KAT14: variants seen among roughly 807,000 people sequenced by gnomAD.
The protein encoded by KAT14 is cysteine-rich protein 2-binding protein.
Under a neutral mutation model 78.4 loss-of-function variants are expected in KAT14, and 66 were observed. That is an observed-to-expected ratio of 0.84 (90% CI 0.69 to 1.03). KAT14 has a LOEUF of 1.03. Among genes scored for constraint, KAT14 ranks in the 50% least tolerant of loss-of-function variants. KAT14 has a pLI of 0.00. For synonymous variants in KAT14, 344 were observed against 359.4 expected, an observed-to-expected ratio of 0.96 and a Z score of 0.48; for missense variants, 870 against 972.5, an observed-to-expected ratio of 0.89 and a Z score of 1.40.
chr20:18,187,280 T>C lies in KAT14; in HGVS notation c.2173-6T>C, dbSNP rs1235660275. On this transcript the variant is annotated splice_region_variant and splice_polypyrimidine_tract_variant and intron_variant, in intron 10 of 10. Coordinates refer to ENST00000688188, the MANE Select transcript of KAT14 (RefSeq NM_001392073.1). ...TTTATCTTGTATTTTTCCACTCTTT[T>C]GGCAGACCTGCATGGGCAAGGACGT... 6.3e-7 allele frequency: 1 copy of C among 1,593,828 alleles called. No homozygotes were observed. Among genetic ancestry groups the C allele is most frequent in the South Asian group, 1.2e-5 (1 of 86,804 alleles).
rs780601153 is a variant in KAT14, at chr20:18,142,635, A to G, written c.-26A>G. 1.9e-6 allele frequency: 3 copies of G among 1,613,176 alleles called. No individual in the cohort carries two copies. Among genetic ancestry groups the G allele is most frequent in the African/African-American group, 1.3e-5 (1 of 74,926 alleles). ...GTGCTTAGGGTTGTTACTGAGAAGC[A>G]CTGCCGAGCTTGTGAGAAGGAAGGG... On this transcript the variant is annotated 5_prime_UTR_variant, in exon 2 of 11. Coordinates refer to ENST00000688188, the MANE Select transcript of KAT14 (RefSeq NM_001392073.1).
chr20:18,162,709 C>T lies in KAT14; in HGVS notation c.1432C>T (p.Pro478Ser). 6.2e-7 allele frequency: 1 copy of T among 1,614,228 alleles called. No homozygotes were observed. Among genetic ancestry groups the T allele is most frequent in the Non-Finnish European group, 8.5e-7 (1 of 1,180,040 alleles). Residue 478 changes from proline (P) to serine (S), a missense_variant, in exon 7 of 11, where the codon CCC (proline) becomes TCC (serine). Pro to Ser is a moderately conservative substitution (Grantham distance 74). Coordinates refer to ENST00000688188, the MANE Select transcript of KAT14 (RefSeq NM_001392073.1). Reference protein sequence around the residue: ...KLLLKRLEACPGAVAMTPEAR... With the variant: ...KLLLKRLEACSGAVAMTPEAR... ...GCTGCTCAAGAGGCTGGAAGCTTGT[C>T]CCGGTGCTGTTGCCATGACTCCGGA...
chr20:18,141,777 G>A (rs1033862148), intron 1 of KAT14, among the ~76,000 whole-genome samples: 1 of 152,112 alleles, frequency 6.6e-6, no homozygotes. Context: ...TCAGCTACTC[G>A]GGAGGCTGAG....
In KAT14 at chr20:18,184,732, C is replaced by T. The variant is rs376582682; in HGVS notation, c.2112C>T (p.Phe704=). Residue 704 remains phenylalanine, a synonymous_variant, in exon 10 of 11, where the codon TTC becomes TTT. Coordinates refer to ENST00000688188, the MANE Select transcript of KAT14 (RefSeq NM_001392073.1). ...ATGAAGCTTACATTTCATTTCTGTT[C>T]GTCCACCCTGAATGGAGAAGAGCAG... is the stretch of plus-strand genomic sequence containing the variant. ...KYNEAYISFL[F]VHPEWRRAGI... The T allele has an allele frequency of 1.3e-4, 210 of 1,613,534 alleles. 1 individual carries two copies. Among genetic ancestry groups the T allele is most frequent in the South Asian group, 3.6e-4 (33 of 90,962 alleles).
Position 18,138,016 on chromosome 20 carries a change from G to A in KAT14, c.-489G>A, listed in dbSNP as rs577099221. ...GGTGCTGCTGACGGCGGCCACAGTG[G>A]CCGGCGTACATGTGAAGCAGCAGTG... On this transcript the variant is annotated 5_prime_UTR_variant, in exon 1 of 11. Transcript: ENST00000688188. 24 of 1,499,866 alleles carry A rather than the reference G, an allele frequency of 1.6e-5. No individual in the cohort carries two copies. The highest frequency in any genetic ancestry group is 2.0e-5 in the Non-Finnish European group (23 of 1,131,118). The allele number at this position is 1,499,866 out of a possible 1,614,324, so 92.9% of individuals were successfully genotyped here. A position where few individuals can be genotyped will look rare whatever the true frequency, so the allele number is the denominator to read the frequency against.
At chr20:18,161,050 T>C (rs1176948406) in intron 5 of KAT14, among the ~76,000 whole-genome samples, 1 of 151,990 alleles carries the variant, frequency 6.6e-6, no homozygotes, top group East Asian at 1.9e-4. Context: ...GGCGCATGCC[T>C]GTAATCCCAG....
chr20:18,181,767 T>A lies in KAT14; in HGVS notation c.1726T>A (p.Leu576Met). The change falls in exon 8 of 11, where the codon TTG (leucine) becomes ATG (methionine). Residue 576 changes from leucine to methionine, a missense_variant. Transcript: ENST00000688188. The stretch of plus-strand genomic sequence containing the variant: ...CCAGACCACCAAGTTTTTGTATCGC[T>A]TGGTAGGATCAGAAGATATGGCTGT... Reference protein sequence around the residue: ...RHQTTKFLYRLVGSEDMAVDQ... With the variant: ...RHQTTKFLYRMVGSEDMAVDQ... The A allele has an allele frequency of 6.2e-7, 1 of 1,614,178 alleles. No individual in the cohort carries two copies. Among genetic ancestry groups the A allele is most frequent in the Non-Finnish European group, 8.5e-7 (1 of 1,180,028 alleles).
chr20:18,169,290 T>A (rs761223959), intron 7 of KAT14, among the ~76,000 whole-genome samples: 15 of 152,244 alleles, frequency 9.9e-5, no homozygotes, highest in Non-Finnish European at 1.5e-5. Flanking sequence ...TGTATTGCAC[T>A]TCACAGATAC....
rs751410058 is a variant in KAT14, at chr20:18,150,841, C to A, written c.399C>A (p.Tyr133Ter). Reference protein sequence around the residue: ...TWQQVVMLAMYNLSLEGSGRQ... With the variant: ...TWQQVVMLAM ...TTCAGGTCGTCATGTTGGCAATGTA[C>A]AACTTGTCTCTGGAAGGAAGTGGAC... Residue 133 changes from tyrosine (Y) to a stop codon, truncating the protein, a stop_gained, in exon 4 of 11, where the codon TAC becomes TAA. Transcript: ENST00000688188. LOFTEE classifies it high-confidence loss of function. The A allele has an allele frequency of 6.2e-7, 1 of 1,614,142 alleles. No individual in the cohort carries two copies. Among genetic ancestry groups the A allele is most frequent in the Admixed American group, 1.7e-5 (1 of 60,018 alleles).
chr20:18,142,624 T>TGG lies in KAT14; in HGVS notation c.-37_-36insGG. On this transcript the variant is annotated 5_prime_UTR_variant, in exon 2 of 11. Coordinates refer to ENST00000688188, the MANE Select transcript of KAT14 (RefSeq NM_001392073.1). ...GTCACTGTCCAGTGCTTAGGGTTGT[T>TGG]ACTGAGAAGCACTGCCGAGCTTGTG... The TGG allele has an allele frequency of 6.2e-7, 1 of 1,612,428 alleles. No homozygotes were observed. The highest frequency in any genetic ancestry group is 1.1e-5 in the South Asian group (1 of 90,896).
chr20:18,152,158 T>C (rs1257380272), intron 4 of KAT14, among the ~76,000 whole-genome samples: 1 of 152,062 alleles, frequency 6.6e-6, no homozygotes, highest in Non-Finnish European at 1.5e-5. Flanking sequence ...TTATATTCTT[T>C]TAAGCTGTGT....
At chr20:18,150,458 C>A (rs2037991542) in intron 3 of KAT14, among the ~76,000 whole-genome samples, 1 of 152,026 alleles carries the variant, frequency 6.6e-6, no homozygotes, top group East Asian at 1.9e-4. Context: ...CAGAAGGTAC[C>A]CCTTGATTTA....
At chr20:18,144,191 CAAATT>C (rs1420313391) in intron 2 of KAT14, among the ~76,000 whole-genome samples, 1 of 152,192 alleles carries the variant, frequency 6.6e-6, no homozygotes, top group African/African-American at 2.4e-5. Flanking sequence ...TCACTGTTAA[CAAATT>C]AATAGTAACA....
rs2038325046 is a variant in KAT14 at position 18,159,111 on chromosome 20, C to T, written c.528C>T (p.Thr176=). ...NRKKTSTWWS[T]VAGCLSVGSP... Reference sequence around the variant, plus strand: ...AAAAGACGTCTACCTGGTGGAGCACCGTGGCAGGTTGCCTCAGCGTGGGAA... The same window carrying T: ...AAAAGACGTCTACCTGGTGGAGCACTGTGGCAGGTTGCCTCAGCGTGGGAA... The change falls in exon 5 of 11, where the codon ACC becomes ACT. Residue 176 remains threonine, a synonymous_variant. Transcript: ENST00000688188. 1.2e-6 allele frequency: 2 copies of T among 1,610,848 alleles called. No homozygotes were observed. Among genetic ancestry groups the T allele is most frequent in the Non-Finnish European group, 1.7e-6 (2 of 1,179,160 alleles).
At chr20:18,149,850 T>A (rs2037971231) in intron 3 of KAT14, among the ~76,000 whole-genome samples, 1 of 152,032 alleles carries the variant, frequency 6.6e-6, no homozygotes, top group Non-Finnish European at 1.5e-5. Context: ...CTTGGGAGGC[T>A]GAGGCAGGAA....
chr20:18,155,928 C>G (rs1345621178), intron 4 of KAT14, among the ~76,000 whole-genome samples: 5 of 152,136 alleles, frequency 3.3e-5, no homozygotes, highest in African/African-American at 4.8e-5. Flanking sequence ...CTCAGAGATA[C>G]TTGTATATCC....
chr20:18,142,138 G>T lies in KAT14; in HGVS notation c.-453-70G>T, dbSNP rs965112022. 15 of 1,440,948 alleles carry T rather than the reference G, an allele frequency of 1.0e-5. No individual in the cohort carries two copies. In the African/African-American group the frequency reaches 1.6e-4, roughly 15 times the overall value. 89.3% of individuals were successfully genotyped at this position (1,440,948 alleles called of 1,614,324 possible). On this transcript the variant is annotated intron_variant, in intron 1 of 10. Transcript: ENST00000688188. ...TATATTTTGGTAACACTGTTATTTGGATTTGAATGGCACAAGGATGGGGAC... is the reference window on the plus strand; with the variant it reads ...TATATTTTGGTAACACTGTTATTTGTATTTGAATGGCACAAGGATGGGGAC...
At chr20:18,141,037 T>TTTTA (rs1568661493) in intron 1 of KAT14, among the ~76,000 whole-genome samples, 27 of 22,624 alleles carry the variant, frequency 1.2e-3, no homozygotes, top group South Asian at 0.012. Context: ...TTTTTTTTTT[T>TTTTA]TTTTTTTTTA....
At chr20:18,163,229 G>C (rs1284288000) in intron 7 of KAT14, among the ~76,000 whole-genome samples, 12 of 152,170 alleles carry the variant, frequency 7.9e-5, no homozygotes, top group Non-Finnish European at 1.6e-4. Context: ...CTCTCTCTCT[G>C]AGGATAGATA....
Sources: gnomAD v4.1 joint callset for allele counts (sites outside exome capture counted in the v4.1 genomes callset) on GRCh38, gnomAD v4.1.1 for gene constraint, MANE v1.5 for transcripts, NCBI Gene and HGNC (gene_info 2026-07-23, HGNC 2026-07-21) for gene names.